Variants in SAMD12 observed in about 807,000 individuals in gnomAD.
The protein encoded by SAMD12 is sterile alpha motif domain-containing protein 12.
In SAMD12, 9 loss-of-function variants were observed where a neutral mutation model predicts 15.0. The observed-to-expected ratio is 0.60, with a 90% CI of 0.36 to 1.05. SAMD12 has a LOEUF of 1.05. SAMD12 is among the 50% of genes least tolerant of loss of function. SAMD12 has a pLI of 0.01. For synonymous variants in SAMD12, 86 were observed against 90.1 expected, an observed-to-expected ratio of 0.96 and a Z score of 0.25; for missense variants, 230 against 234.2, an observed-to-expected ratio of 0.98 and a Z score of 0.12.
chr8:118,190,405 C>T (rs1476524389), exon 5 of SAMD12: 1 of 152,118 alleles, frequency 6.6e-6, no homozygotes, highest in Non-Finnish European at 1.5e-5. Flanking sequence ...GCAGTCTTCA[C>T]CTTGGTAGAT....
At chr8:118,576,316 T>C (rs1425993000) in intron 2 of SAMD12, among the ~76,000 whole-genome samples, 1 of 152,186 alleles carries the variant, frequency 6.6e-6, no homozygotes, top group Non-Finnish European at 1.5e-5. Flanking sequence ...GGCTATTGTA[T>C]TGAACAATGG....
chr8:118,400,164 A>C (rs1820798445), intron 3 of SAMD12: 1 of 152,230 alleles, frequency 6.6e-6, no homozygotes, highest in Non-Finnish European at 1.5e-5. Flanking sequence ...ATTTATGTGT[A>C]AACTGTTTTA....
chr8:118,292,020 G>T (rs184877168), intron 4 of SAMD12, among the ~76,000 whole-genome samples: 1 of 151,230 alleles, frequency 6.6e-6, no homozygotes, highest in African/African-American at 2.4e-5. Flanking sequence ...GCTACAAGGC[G>T]ATGCTTTAGA....
chr8:118,521,627 G>A (rs894425739), intron 2 of SAMD12, among the ~76,000 whole-genome samples: 7 of 151,590 alleles, frequency 4.6e-5, no homozygotes, highest in South Asian at 2.1e-4. Context: ...GACCTTCAGC[G>A]CGTTCTATGC....
At chr8:118,317,440 A>G (rs1815978819) in intron 4 of SAMD12, among the ~76,000 whole-genome samples, 1 of 152,214 alleles carries the variant, frequency 6.6e-6, no homozygotes, top group Non-Finnish European at 1.5e-5. Flanking sequence ...CATGTTGAAC[A>G]ATTTTGAGTA....
intron 1 of SAMD12, among the ~76,000 whole-genome samples, chr8:118,606,131 C>G (rs766664339): frequency 1.6e-4 from 24 of 152,186 alleles, no homozygotes; most frequent in Non-Finnish European, 2.8e-4. Context: ...ACTTGAGTCA[C>G]GCATTAGGTA....
At chr8:118,436,286 C>G (rs1822573558) in intron 3 of SAMD12, among the ~76,000 whole-genome samples, 1 of 152,158 alleles carries the variant, frequency 6.6e-6, no homozygotes, top group South Asian at 2.1e-4. Context: ...CCTTCACATT[C>G]ATCATCCCAT....
Position 118,314,881 on chromosome 8 carries a change from A to G in SAMD12, c.433+64679T>C, listed in dbSNP as rs532262501. Among the ~76,000 whole-genome samples, 4 of 152,346 alleles carry G rather than the reference A, an allele frequency of 2.6e-5. 1 individual carries two copies. The highest frequency in any genetic ancestry group is 4.1e-4 in the South Asian group (2 of 4,826). On this transcript the variant is annotated intron_variant, in intron 4 of 4. Coordinates refer to the SAMD12 transcript ENST00000409003. ...ATAAAGCGGCTATGAACATTATTAT[A>G]CAGGTTTTTGTATGAACATAGGTTT...
the SAMD12 span, among the ~76,000 whole-genome samples, chr8:118,155,725 A>T: frequency 6.6e-6 from 1 of 152,232 alleles, no homozygotes; most frequent in Non-Finnish European, 1.5e-5. Context: ...ACTTTTTCAC[A>T]ACACACCTTA....
At chr8:118,282,943 G>A (rs1377402354) in intron 4 of SAMD12, among the ~76,000 whole-genome samples, 1 of 151,568 alleles carries the variant, frequency 6.6e-6, no homozygotes, top group Non-Finnish European at 1.5e-5. Flanking sequence ...ATTAGACATT[G>A]GTAGAATGAA....
chr8:118,547,186 C>T (rs1826155442), intron 2 of SAMD12, among the ~76,000 whole-genome samples: 1 of 152,166 alleles, frequency 6.6e-6, no homozygotes, highest in African/African-American at 2.4e-5. Context: ...AGTTTTACAA[C>T]AGCATGTTCC....
intron 2 of SAMD12, among the ~76,000 whole-genome samples, chr8:118,530,902 T>C (rs1825667155): frequency 1.3e-5 from 2 of 152,200 alleles, no homozygotes; most frequent in African/African-American, 2.4e-5. Context: ...AGTGCAGTGA[T>C]GCAATCATAG....
intron 4 of SAMD12, among the ~76,000 whole-genome samples, chr8:118,356,318 T>C (rs1818221102): frequency 1.3e-5 from 2 of 152,218 alleles, no homozygotes; most frequent in South Asian, 2.1e-4. Context: ...TATTCCACTG[T>C]TGACAAAAGT....
At chr8:118,146,299 G>A in the SAMD12 span, among the ~76,000 whole-genome samples, 5 of 152,194 alleles carry the variant, frequency 3.3e-5, no homozygotes, top group South Asian at 8.3e-4. Flanking sequence ...CCTGCTGTAT[G>A]ATTTTAGTAT....
chr8:118,560,972 T>C (rs1826684323), intron 2 of SAMD12, among the ~76,000 whole-genome samples: 1 of 152,246 alleles, frequency 6.6e-6, no homozygotes, highest in South Asian at 2.1e-4. Context: ...AACTTATTTT[T>C]CTGTATTTTG....
At chr8:118,498,938 T>G (rs1824702466) in intron 2 of SAMD12, among the ~76,000 whole-genome samples, 1 of 152,146 alleles carries the variant, frequency 6.6e-6, no homozygotes, top group Non-Finnish European at 1.5e-5. Context: ...CCCACCAAGT[T>G]CACTTTACAC....
intron 2 of SAMD12, among the ~76,000 whole-genome samples, chr8:118,486,559 C>G (rs930371744): frequency 1.3e-5 from 2 of 151,976 alleles, no homozygotes; most frequent in Non-Finnish European, 2.9e-5. Context: ...CTAGAGAAGG[C>G]AAGAAAACAG....
chr8:118,476,422 T>G (rs1043313377), intron 2 of SAMD12, among the ~76,000 whole-genome samples: 3 of 152,248 alleles, frequency 2.0e-5, no homozygotes, highest in African/African-American at 4.8e-5. Context: ...TTATTTTGGA[T>G]GGCTCCTGTC....
intron 4 of SAMD12, among the ~76,000 whole-genome samples, chr8:118,370,940 AAAT>A (rs1819065120): frequency 1.3e-5 from 1 of 75,084 alleles, no homozygotes; most frequent in Non-Finnish European, 2.6e-5. Flanking sequence ...TCTGGAACTT[AAAT>A]AAAATTTTTT....
Sources: gnomAD v4.1 joint callset for allele counts (sites outside exome capture counted in the v4.1 genomes callset) on GRCh38, gnomAD v4.1.1 for gene constraint, MANE v1.5 for transcripts, NCBI Gene and HGNC (gene_info 2026-07-23, HGNC 2026-07-21) for gene names.